ATP8B4: variants seen among roughly 807,000 people sequenced by gnomAD.
ATP8B4 encodes the protein probable phospholipid-transporting ATPase IM.
Under a neutral mutation model 145.6 loss-of-function variants are expected in ATP8B4, and 133 were observed. The ratio of observed to expected loss-of-function variants is 0.91; its 90% confidence interval spans 0.79 to 1.05. The LOEUF (loss-of-function observed/expected upper bound fraction) is 1.05. Ranked by LOEUF, ATP8B4 falls within the 50% of genes least tolerant of loss-of-function variation. ATP8B4 has a pLI of 0.00. For missense variants in ATP8B4, 1,458 were observed against 1,425.2 expected (o/e 1.02, Z -0.37); for synonymous variants, 507 against 492.9 (o/e 1.03, Z -0.38).
chr15:50,041,882 G>A (rs2051313813), intron 5 of ATP8B4, among the ~76,000 whole-genome samples: 1 of 152,170 alleles, frequency 6.6e-6, no homozygotes, highest in Admixed American at 6.5e-5. Flanking sequence ...GGAGGTTGCA[G>A]TGAGCCAAGA....
rs555066883 is a variant in ATP8B4 at position 49,981,494 on chromosome 15, G to C, written c.749-200C>G. On this transcript the variant is annotated intron_variant, in intron 10 of 27. Transcript: ENST00000284509. ...CAATCCTGGAAGCTGCAAGAGATGT[G>C]ATCTTCTTAGACTAGGATAAATACA... 5.5e-4 allele frequency among the ~76,000 whole-genome samples: 83 copies of C among 152,284 alleles called. 1 individual carries two copies. The highest frequency in any genetic ancestry group is 9.2e-4 in the Admixed American group (14 of 15,288).
chr15:49,937,100 C>A lies in ATP8B4; in HGVS notation c.1288-2918G>T, dbSNP rs1599268205. ...TTCTATTTTCTTAATTATCTTAGGT[C>A]ATATTTTTTACTGCATTTTGGTTTT... On this transcript the variant is annotated intron_variant, in intron 14 of 27. Transcript: ENST00000284509. 2.0e-5 allele frequency among the ~76,000 whole-genome samples: 3 copies of A among 151,996 alleles called. No individual in the cohort carries two copies. In the East Asian group the frequency reaches 5.8e-4, roughly 29 times the overall value.
intron 16 of ATP8B4, among the ~76,000 whole-genome samples, chr15:49,928,744 G>T (rs1019117576): frequency 6.6e-6 from 1 of 152,040 alleles, no homozygotes; most frequent in African/African-American, 2.4e-5. Flanking sequence ...TTAAAAAGGG[G>T]TTTATGAGGC....
At chr15:50,156,667 T>C (rs929858696) in intron 1 of ATP8B4, among the ~76,000 whole-genome samples, 1 of 152,184 alleles carries the variant, frequency 6.6e-6, no homozygotes, top group Non-Finnish European at 1.5e-5. Flanking sequence ...CAAATAATGA[T>C]AAACTGAGCT....
At chr15:50,023,779 C>CAAAAAAAAAAAAAAAAAAAAAAA (rs60030651) in intron 6 of ATP8B4, among the ~76,000 whole-genome samples, 28 of 75,048 alleles carry the variant, frequency 3.7e-4, no homozygotes, top group Middle Eastern at 9.3e-3. Context: ...AGACCAAAGG[C>CAAAAAAAAAAAAAAAAAAAAAAA]AAAAAAAAAA....
At chr15:49,891,475 T>C (rs1218056142) in intron 23 of ATP8B4, among the ~76,000 whole-genome samples, 1 of 151,886 alleles carries the variant, frequency 6.6e-6, no homozygotes, top group African/African-American at 2.4e-5. Context: ...ACAGGCACGC[T>C]CCACCCCGTC....
At chr15:50,085,182 C>T (rs774161516) in intron 2 of ATP8B4, among the ~76,000 whole-genome samples, 3 of 152,164 alleles carry the variant, frequency 2.0e-5, no homozygotes, top group Non-Finnish European at 2.9e-5. Flanking sequence ...GCCAAGTTAC[C>T]ATGAAGCTAA....
chr15:49,931,429 T>A, intron 15 of ATP8B4, 122 bp from the exon 16 acceptor site: 2 of 938,618 alleles, frequency 2.1e-6, no homozygotes, highest in Non-Finnish European at 1.6e-6. Flanking sequence ...AAATCTTTCC[T>A]GTCCTCAGAT....
chr15:50,023,821 T>G (rs907622542), intron 6 of ATP8B4, among the ~76,000 whole-genome samples: 2 of 146,474 alleles, frequency 1.4e-5, no homozygotes, highest in African/African-American at 5.0e-5. Context: ...AAAAAAAGCC[T>G]TTTAAAACTA....
At position 49,866,442 on chromosome 15, in the gene ATP8B4, A is replaced by G; in HGVS notation, c.3070T>C (p.Phe1024Leu). The part of the protein sequence containing the change: ...TSYWTFINHV[F>L]IWGSIAIYFS... ...TAAATGGCAATGCTCCCCCAGATGA[A>G]GACGTGATTAATGAAAGTCCAGTAA... The change falls in exon 26 of 28, where the codon TTC becomes CTC. Residue 1024 changes from phenylalanine (F) to leucine (L), a missense_variant. Coordinates refer to ENST00000284509, the MANE Select transcript of ATP8B4 (RefSeq NM_024837.4). 2 of 1,613,722 alleles carry G rather than the reference A, an allele frequency of 1.2e-6. No individual in the cohort carries two copies. The highest frequency in any genetic ancestry group is 1.7e-6 in the Non-Finnish European group (2 of 1,179,602).
In ATP8B4 at chr15:50,007,700, C is replaced by A. The variant is rs74012863; in HGVS notation, c.435+3145G>T. ...CTCCTAAGTGGGTCTCTTTCAGGGG[C>A]CTGTAAGTTTTGCCCCCCGAATATA... On this transcript the variant is annotated intron_variant, in intron 7 of 27. Transcript: ENST00000284509. Among the ~76,000 whole-genome samples the A allele has an allele frequency of 4.1e-3, 627 of 152,238 alleles. 1 individual carries two copies. The highest frequency in any genetic ancestry group is 0.015 in the African/African-American group (610 of 41,550).
intron 1 of ATP8B4, among the ~76,000 whole-genome samples, chr15:50,153,943 A>G (rs891294456): frequency 6.6e-6 from 1 of 152,208 alleles, no homozygotes; most frequent in Non-Finnish European, 1.5e-5. Context: ...TCGATACTTT[A>G]AAAAACCTTG....
chr15:49,945,781 CA>C (rs1283859965), intron 14 of ATP8B4, among the ~76,000 whole-genome samples: 1 of 151,964 alleles, frequency 6.6e-6, no homozygotes, highest in Non-Finnish European at 1.5e-5. Context: ...AAGCATTTGA[CA>C]AAATTAAACA....
At chr15:49,948,233 C>T (rs1303707684) in intron 14 of ATP8B4, among the ~76,000 whole-genome samples, 3 of 148,314 alleles carry the variant, frequency 2.0e-5, no homozygotes, top group South Asian at 2.1e-4. Context: ...GTCAGGAGTT[C>T]GAGACCAGCC....
In ATP8B4 at chr15:50,118,879, T is replaced by TA. The variant is rs372647958; in HGVS notation, c.-43+243dup. 2.7e-3 allele frequency among the ~76,000 whole-genome samples: 415 copies of TA among 151,862 alleles called. 1 individual carries two copies. Among genetic ancestry groups the TA allele is most frequent in the African/African-American group, 9.5e-3 (393 of 41,326 alleles). Reference sequence around the variant, plus strand: ...TCATTTAATAGGCATGCTAACAGAGTAAAAAATAGACATTTCAAACAACAA... The same window carrying TA: ...TCATTTAATAGGCATGCTAACAGAGTAAAAAAATAGACATTTCAAACAACAA... On this transcript the variant is annotated intron_variant, in intron 1 of 27. Coordinates refer to ENST00000284509, the MANE Select transcript of ATP8B4 (RefSeq NM_024837.4).
At chr15:50,173,871 G>C (rs1461141000) in intron 1 of ATP8B4, among the ~76,000 whole-genome samples, 3 of 152,162 alleles carry the variant, frequency 2.0e-5, no homozygotes, top group Non-Finnish European at 2.9e-5. Context: ...TATCCTGGAT[G>C]AACATAGATG....
intron 14 of ATP8B4, 80 bp downstream of exon 14, chr15:49,961,897 A>G (rs1034385084): frequency 4.4e-5 from 52 of 1,194,376 alleles, no homozygotes; most frequent in Non-Finnish European, 5.8e-5. Flanking sequence ...GGAAATCAGG[A>G]CACTAAAAGT....
At chr15:50,109,965 C>A (rs1161787257) in intron 1 of ATP8B4, among the ~76,000 whole-genome samples, 2 of 152,156 alleles carry the variant, frequency 1.3e-5, no homozygotes, top group East Asian at 3.9e-4. Context: ...CCATATTCTT[C>A]CTAAAATTAC....
At chr15:49,996,825 A>G (rs1380089174) in intron 8 of ATP8B4, 66 bp from the exon 9 acceptor site, 4 of 1,310,452 alleles carry the variant, frequency 3.1e-6, no homozygotes, top group Non-Finnish European at 3.3e-6. Flanking sequence ...TACCAAAGCA[A>G]TCAGGTGGGT....
Sources: gnomAD v4.1 joint callset for allele counts (sites outside exome capture counted in the v4.1 genomes callset) on GRCh38, gnomAD v4.1.1 for gene constraint, MANE v1.5 for transcripts, NCBI Gene and HGNC (gene_info 2026-07-23, HGNC 2026-07-21) for gene names.